Variants in RB1 observed in about 807,000 individuals in gnomAD.
The protein encoded by RB1 is retinoblastoma-associated protein.
RB1 carries 18 observed loss-of-function variants against 135.4 expected under a neutral mutation model. The ratio of observed to expected loss-of-function variants is 0.13; its 90% CI spans 0.09 to 0.20. RB1 has a LOEUF of 0.20. Among genes scored for constraint, RB1 ranks in the 10% least tolerant of loss-of-function variants. RB1 has a pLI of 1.00. For synonymous variants in RB1, 365 were observed against 373.2 expected (o/e 0.98, Z 0.25); for missense variants, 868 against 1,110.0 (o/e 0.78, Z 3.10).
At chr13:48,465,487 G>A in intron 23 of RB1, 119 bp downstream of exon 23, 1 of 1,087,258 alleles carries the variant, frequency 9.2e-7, no homozygotes, top group Non-Finnish European at 1.4e-6. Context: ...AACTCTATTT[G>A]CTTATTTAAG....
intron 6 of RB1, 107 bp downstream of exon 6, chr13:48,349,130 T>C (rs866007771): frequency 8.5e-7 from 1 of 1,182,750 alleles, no homozygotes. Flanking sequence ...TACTCCTCCC[T>C]CATTCTCTGC....
intron 2 of RB1, among the ~76,000 whole-genome samples, chr13:48,312,274 T>C (rs1221413686): frequency 6.6e-6 from 1 of 152,224 alleles, no homozygotes; most frequent in Non-Finnish European, 1.5e-5. Flanking sequence ...TAAAAATTTT[T>C]AGCTGAATAC....
chr13:48,471,326 C>T (rs1283162461), intron 23 of RB1, among the ~76,000 whole-genome samples: 1 of 55,824 alleles, frequency 1.8e-5, no homozygotes, highest in African/African-American at 6.5e-5. Context: ...AACCAAACAC[C>T]GCATATTCTC....
At chr13:48,368,479 A>G in intron 10 of RB1, 48 bp from the exon 11 acceptor site, 1 of 1,609,916 alleles carries the variant, frequency 6.2e-7, no homozygotes, top group African/African-American at 1.3e-5. Flanking sequence ...CATAAAGCAC[A>G]AATTGTAAAT....
chr13:48,317,514 A>C, intron 2 of RB1: 1 of 445,986 alleles, frequency 2.2e-6, no homozygotes. Context: ...AGCTCCCCCC[A>C]GCACCTCCGG....
intron 7 of RB1, chr13:48,360,332 G>T (rs920827938): frequency 8.8e-7 from 1 of 1,136,576 alleles, no homozygotes; most frequent in Non-Finnish European, 1.2e-6. Flanking sequence ...AAGTGGTTTG[G>T]GTCAAAATAC....
chr13:48,304,556 A>C (rs1158575026), intron 1 of RB1, among the ~76,000 whole-genome samples: 1 of 152,094 alleles, frequency 6.6e-6, no homozygotes, highest in Non-Finnish European at 1.5e-5. Context: ...AAAGCCTTGG[A>C]CAAGAAGCGC....
In RB1 at chr13:48,380,195, G is replaced by A; in HGVS notation, c.1452G>A (p.Met484Ile). 1 of 1,585,080 alleles carries A rather than the reference G, an allele frequency of 6.3e-7. No homozygotes were observed. Among genetic ancestry groups the A allele is most frequent in the Non-Finnish European group, 8.6e-7 (1 of 1,166,972 alleles). The change falls in exon 16 of 27, where the codon ATG (methionine) becomes ATA (isoleucine). Residue 484 changes from methionine to isoleucine, a missense_variant. Met to Ile is a conservative substitution (Grantham distance 10). Coordinates refer to ENST00000267163, the MANE Select transcript of RB1 (RefSeq NM_000321.3). ...TTCTGAATGACAACATTTTTCATAT[G>A]TCTTTATTGGCGTGCGCTCTTGAGG... ...SKLLNDNIFH[M>I]SLLACALEVV...
intron 11 of RB1, among the ~76,000 whole-genome samples, chr13:48,370,845 C>G (rs561867160): frequency 6.6e-6 from 1 of 152,228 alleles, no homozygotes; most frequent in African/African-American, 2.4e-5. Context: ...GCTGAAGGTT[C>G]CAACCCTCTA....
chr13:48,405,787 C>A (rs751859246), intron 17 of RB1, among the ~76,000 whole-genome samples: 2 of 152,120 alleles, frequency 1.3e-5, no homozygotes, highest in African/African-American at 2.4e-5. Context: ...CATTTCCAAC[C>A]CCACCCTTGT....
chr13:48,456,355 T>C lies in RB1; in HGVS notation c.1960+6T>C, dbSNP rs1949360394. 1 of 1,613,896 alleles carries C rather than the reference T, an allele frequency of 6.2e-7. No individual in the cohort carries two copies. Among genetic ancestry groups the C allele is most frequent in the Non-Finnish European group, 8.5e-7 (1 of 1,179,870 alleles). ...TTCACTGTTTTATAAAAAAGGTTAG[T>C]AGATGATTATTTTCAAGAGCATGGA... On this transcript the variant is annotated splice_donor_region_variant and intron_variant, in intron 19 of 26. Coordinates refer to ENST00000267163, the MANE Select transcript of RB1 (RefSeq NM_000321.3).
intron 1 of RB1, 79 bp from the exon 2 acceptor site, chr13:48,307,201 A>G (rs2138033437): frequency 8.1e-7 from 1 of 1,228,584 alleles, no homozygotes; most frequent in Non-Finnish European, 1.2e-6. Flanking sequence ...TGTTATGTGC[A>G]AACTATTGAA....
intron 23 of RB1, among the ~76,000 whole-genome samples, chr13:48,472,275 C>A (rs769292379): frequency 1.3e-5 from 2 of 151,984 alleles, no homozygotes; most frequent in Non-Finnish European, 2.9e-5. Context: ...TTAAGTAGTA[C>A]GTACTCATTA....
chr13:48,473,268 C>A lies in RB1; in HGVS notation c.2490-92C>A. ...TAGAGGTAACCTTTAATTTGGTATT[C>A]CTAATAGTTCAGAATGATGTATTTA... On this transcript the variant is annotated intron_variant, in intron 23 of 26. Coordinates refer to ENST00000267163, the MANE Select transcript of RB1 (RefSeq NM_000321.3). 2 of 1,002,892 alleles carry A rather than the reference C, an allele frequency of 2.0e-6. No homozygotes were observed. The highest frequency in any genetic ancestry group is 3.1e-6 in the Non-Finnish European group (2 of 643,236). The allele number at this position is 1,002,892 out of a possible 1,614,324, so 62.1% of individuals were successfully genotyped here.
At chr13:48,391,800 G>A (rs892214369) in intron 17 of RB1, among the ~76,000 whole-genome samples, 2 of 151,992 alleles carry the variant, frequency 1.3e-5, no homozygotes, top group African/African-American at 4.8e-5. Flanking sequence ...TATATTTTTA[G>A]TAGAGAAAGG....
In RB1 at chr13:48,364,929, T is replaced by A. The variant is rs772362181; in HGVS notation, c.897T>A (p.Phe299Leu). ...KNVYFKNFIP[F>L]MNSLGLVTSN... ...TTTATTTCAAAAATTTTATACCTTT[T>A]ATGAATTCTCTTGGACTTGTAACAT... The change falls in exon 9 of 27, where the codon TTT becomes TTA. Residue 299 changes from phenylalanine to leucine, a missense_variant. Coordinates refer to ENST00000267163, the MANE Select transcript of RB1 (RefSeq NM_000321.3). The A allele has an allele frequency of 8.9e-6, 14 of 1,568,768 alleles. No homozygotes were observed. Among genetic ancestry groups the A allele is most frequent in the Admixed American group, 1.8e-5 (1 of 56,658 alleles).
chr13:48,334,062 G>T (rs1048189735), intron 2 of RB1, among the ~76,000 whole-genome samples: 1 of 152,242 alleles, frequency 6.6e-6, no homozygotes, highest in Non-Finnish European at 1.5e-5. Flanking sequence ...GGAGTCCCAG[G>T]TGCTCAACTT....
chr13:48,319,111 C>A lies in RB1; in HGVS notation c.264+11705C>A, dbSNP rs529268494. The A allele has an allele frequency of 4.9e-6, 3 of 608,138 alleles. No individual in the cohort carries two copies. The highest frequency in any genetic ancestry group is 4.6e-5 in the South Asian group (3 of 64,972). The allele number at this position is 608,138 out of a possible 1,614,324, so 37.7% of individuals were successfully genotyped here. The stretch of plus-strand genomic sequence containing the variant: ...CAAACTCGTTCCTGGAAGCCGGGCT[C>A]GCTGGAGGCGGAGCTTTGGTTTCCT... On this transcript the variant is annotated intron_variant, in intron 2 of 26. Coordinates refer to ENST00000267163, the MANE Select transcript of RB1 (RefSeq NM_000321.3). The surrounding 1 kb of genome is among the most constrained non-coding windows in gnomAD (Gnocchi z 5.0).
intron 17 of RB1, among the ~76,000 whole-genome samples, chr13:48,432,429 T>C (rs923165863): frequency 6.7e-6 from 1 of 150,100 alleles, no homozygotes; most frequent in Non-Finnish European, 1.5e-5. Flanking sequence ...GTTTTTTTGT[T>C]TTTTTTTTTG....
Sources: gnomAD v4.1 joint callset for allele counts (sites outside exome capture counted in the v4.1 genomes callset) on GRCh38, gnomAD v4.1.1 for gene constraint, Gnocchi (gnomAD v3.1) non-coding constraint, MANE v1.5 for transcripts, NCBI Gene and HGNC (gene_info 2026-07-23, HGNC 2026-07-21) for gene names.